KTN1: variants seen among roughly 807,000 people sequenced by gnomAD.
KTN1 encodes the protein kinectin 1, also known as kinectin.
A neutral mutation model predicts 222.5 loss-of-function variants in KTN1; 130 were observed. That is an observed-to-expected ratio of 0.58 (90% CI 0.51 to 0.68). The LOEUF (loss-of-function observed/expected upper bound fraction) is 0.68, where lower values mean the gene tolerates loss of function less well. Ranked by LOEUF, KTN1 falls within the 30% of genes least tolerant of loss-of-function variation. The probability of loss-of-function intolerance (pLI) is 0.00; values close to 1 mark genes in which losing one functional copy is unlikely to be tolerated. For missense variants in KTN1, 1,508 were observed against 1,500.4 expected (o/e 1.01, Z -0.08); for synonymous variants, 512 against 496.3 (o/e 1.03, Z -0.42).
chr14:55,670,611 T>G (rs559739816), intron 34 of KTN1, 118 bp from the exon 35 acceptor site: 1 of 629,300 alleles, frequency 1.6e-6, no homozygotes, highest in African/African-American at 1.9e-5. Context: ...AATGTCCTGT[T>G]TGTCTGTGTA....
At chr14:55,629,038 G>T (rs2040191630) in intron 6 of KTN1, among the ~76,000 whole-genome samples, 1 of 152,116 alleles carries the variant, frequency 6.6e-6, no homozygotes, top group South Asian at 2.1e-4. Context: ...CTTTAAAATT[G>T]CTTGGCTTTC....
At chr14:55,634,977 A>T (rs532536948) in intron 9 of KTN1, among the ~76,000 whole-genome samples, 1 of 152,244 alleles carries the variant, frequency 6.6e-6, no homozygotes, top group East Asian at 1.9e-4. Context: ...CATGCCTATG[A>T]TTCAGTTACC....
chr14:55,622,652 T>C (rs1157172207), intron 5 of KTN1, among the ~76,000 whole-genome samples: 1 of 152,210 alleles, frequency 6.6e-6, no homozygotes, highest in Non-Finnish European at 1.5e-5. Flanking sequence ...TTCAGTGGTT[T>C]AATTTTTTCT....
At chr14:55,678,313 C>A in intron 41 of KTN1, 39 bp from the exon 42 acceptor site, 1 of 1,104,108 alleles carries the variant, frequency 9.1e-7, no homozygotes, top group Non-Finnish European at 1.4e-6. Flanking sequence ...TATTTATCAA[C>A]TGTATTACTT....
Position 55,661,560 on chromosome 14 carries a change from A to G in KTN1, c.3038A>G (p.Asn1013Ser). The change falls in exon 32 of 44, where the codon AAT (asparagine) becomes AGT (serine). Residue 1013 changes from asparagine to serine, a missense_variant. Physicochemically the swap from Asn to Ser is conservative, Grantham distance 46. Transcript: ENST00000395314. Reference protein sequence around the residue: ...EREKEISGLWNELDSLKDAVE... With the variant: ...EREKEISGLWSELDSLKDAVE... Reference sequence around the variant, plus strand: ...GAGAAAGAAATAAGTGGTCTCTGGAATGAGTTAGATTCTTTGAAGGATGCA... The same window carrying G: ...GAGAAAGAAATAAGTGGTCTCTGGAGTGAGTTAGATTCTTTGAAGGATGCA... 6.2e-7 allele frequency: 1 copy of G among 1,604,112 alleles called. No homozygotes were observed. Among genetic ancestry groups the G allele is most frequent in the South Asian group, 1.1e-5 (1 of 90,680 alleles).
chr14:55,596,838 A>T (rs1434338114), intron 1 of KTN1, among the ~76,000 whole-genome samples: 1 of 150,884 alleles, frequency 6.6e-6, no homozygotes, highest in African/African-American at 2.4e-5. Context: ...TTGCCACTGT[A>T]GACTTAAACT....
At chr14:55,613,554 T>C (rs552746164) in intron 2 of KTN1, among the ~76,000 whole-genome samples, 1 of 148,728 alleles carries the variant, frequency 6.7e-6, no homozygotes, top group Non-Finnish European at 1.5e-5. Context: ...AGTGCAGTGG[T>C]GCGATCTTGG....
chr14:55,647,445 G>T (rs1434097974), intron 19 of KTN1, among the ~76,000 whole-genome samples: 1 of 151,280 alleles, frequency 6.6e-6, no homozygotes, highest in Non-Finnish European at 1.5e-5. Flanking sequence ...AACCAGCCTG[G>T]CCAACATGGC....
intron 28 of KTN1, among the ~76,000 whole-genome samples, chr14:55,654,717 T>C (rs546491691): frequency 1.3e-5 from 2 of 152,334 alleles, no homozygotes; most frequent in East Asian, 3.9e-4. Context: ...ATCGTTGTTA[T>C]TAACTGAAGT....
chr14:55,586,991 A>G (rs2033145659), intron 1 of KTN1, among the ~76,000 whole-genome samples: 1 of 152,118 alleles, frequency 6.6e-6, no homozygotes, highest in Admixed American at 6.5e-5. Context: ...ATTCTTTGTC[A>G]CAGCCTTATT....
At chr14:55,646,286 T>C (rs933812371) in intron 18 of KTN1, among the ~76,000 whole-genome samples, 1 of 152,170 alleles carries the variant, frequency 6.6e-6, no homozygotes. Context: ...ATAATATCTA[T>C]CTACCAAAAT....
At chr14:55,607,348 CT>C (rs569971836) in intron 1 of KTN1, 251 of 152,002 alleles carry the variant, frequency 1.7e-3, no homozygotes, top group African/African-American at 6.0e-3. Flanking sequence ...TTTTTTAGTT[CT>C]TTTAAGATAG....
intron 10 of KTN1, 40 bp from the exon 11 acceptor site, chr14:55,637,158 A>G: frequency 6.7e-7 from 1 of 1,482,002 alleles, no homozygotes; most frequent in Non-Finnish European, 9.2e-7. Context: ...GTAACTAGGC[A>G]AAGAAAGAGA....
chr14:55,616,341 A>G (rs1022972247), intron 2 of KTN1, among the ~76,000 whole-genome samples, 176 bp from the exon 3 acceptor site: 6 of 152,206 alleles, frequency 3.9e-5, no homozygotes, highest in Non-Finnish European at 5.9e-5. Context: ...GAGTAAGTAC[A>G]TTGAAGAGCT....
intron 1 of KTN1, among the ~76,000 whole-genome samples, chr14:55,584,620 C>T (rs149299443): frequency 6.6e-6 from 1 of 152,176 alleles, no homozygotes; most frequent in South Asian, 2.1e-4. Flanking sequence ...ACGTCTGATT[C>T]TTGTACCTTG....
intron 43 of KTN1, chr14:55,681,701 C>T (rs1025342818): frequency 6.6e-6 from 1 of 152,050 alleles, no homozygotes; most frequent in African/African-American, 2.4e-5. Flanking sequence ...GGGTGGTTGA[C>T]AGTATTATAT....
chr14:55,656,752 C>A (rs1022246624), intron 29 of KTN1, among the ~76,000 whole-genome samples: 3 of 152,122 alleles, frequency 2.0e-5, no homozygotes, highest in Non-Finnish European at 4.4e-5. Flanking sequence ...TAGGTGTGAG[C>A]CACCGCAGCC....
intron 7 of KTN1, among the ~76,000 whole-genome samples, chr14:55,631,366 A>ATATG (rs1555371461): frequency 4.1e-5 from 6 of 145,956 alleles, no homozygotes; most frequent in African/African-American, 1.5e-4. Context: ...ATATATATAT[A>ATATG]TATGTATTTT....
Position 55,672,909 on chromosome 14 carries a change from T to C in KTN1, c.3604-20T>C, listed in dbSNP as rs188424889. ...AAGGAAATTTTAAGTGTGTTAACTT[T>C]TCCTTTGTTGCATTGCTAGCTGAGA... On this transcript the variant is annotated intron_variant, in intron 38 of 43. Coordinates refer to ENST00000395314, the MANE Select transcript of KTN1 (RefSeq NM_001079521.2). 7 of 1,598,194 alleles carry C rather than the reference T, an allele frequency of 4.4e-6. No individual in the cohort carries two copies. Among genetic ancestry groups the C allele is most frequent in the African/African-American group, 4.0e-5 (3 of 74,656 alleles).
Sources: allele counts gnomAD v4.1 joint callset (sites outside exome capture counted in the v4.1 genomes callset), GRCh38; gene constraint gnomAD v4.1.1; transcripts MANE v1.5; gene names NCBI Gene and HGNC (gene_info 2026-07-23, HGNC 2026-07-21).